GRIP1: variants seen among roughly 807,000 people sequenced by gnomAD.
GRIP1 encodes glutamate receptor interacting protein 1, also known as glutamate receptor-interacting protein 1.
In GRIP1, 45 loss-of-function variants were observed where a neutral mutation model predicts 129.9. The ratio of observed to expected loss-of-function variants is 0.35; its 90% CI spans 0.27 to 0.44. GRIP1 has a LOEUF of 0.44. Among genes scored for constraint, GRIP1 ranks in the 20% least tolerant of loss-of-function variants. GRIP1 has a pLI of 1.00. For missense variants in GRIP1, 1,196 were observed against 1,396.8 expected (o/e 0.86, Z 2.29); for synonymous variants, 530 against 520.8 (o/e 1.02, Z -0.24).
intron 1 of GRIP1, among the ~76,000 whole-genome samples, chr12:66,907,532 G>A (rs12229513): frequency 0.26 from 39,941 of 151,996 alleles, 5,626 homozygotes; most frequent in East Asian, 0.45. Flanking sequence ...CCAGGAGGAA[G>A]CAGAGGCAAG....
At chr12:66,472,483 T>C (rs2059465775) in intron 7 of GRIP1, among the ~76,000 whole-genome samples, 2 of 152,276 alleles carry the variant, frequency 1.3e-5, no homozygotes, top group Non-Finnish European at 1.5e-5. Flanking sequence ...AAATCTTTAA[T>C]ATAGTATGGT....
At chr12:66,929,886 AT>A (rs2041359718) in intron 1 of GRIP1, among the ~76,000 whole-genome samples, 1 of 152,064 alleles carries the variant, frequency 6.6e-6, no homozygotes, top group Admixed American at 6.6e-5. Context: ...CCAGAAGACT[AT>A]TTTATGAGTA....
At chr12:66,547,601 T>C (rs1242036140) in intron 2 of GRIP1, among the ~76,000 whole-genome samples, 1 of 152,148 alleles carries the variant, frequency 6.6e-6, no homozygotes, top group African/African-American at 2.4e-5. Flanking sequence ...ATCAAAAGGG[T>C]CAAACTAGTG....
intron 16 of GRIP1, among the ~76,000 whole-genome samples, chr12:66,399,895 T>C (rs1249975326): frequency 2.0e-5 from 3 of 151,958 alleles, no homozygotes; most frequent in Admixed American, 6.5e-5. Context: ...CCTGAGAAAG[T>C]AAACCATTTG....
intron 1 of GRIP1, among the ~76,000 whole-genome samples, chr12:66,662,436 T>C (rs998658517): frequency 1.3e-5 from 2 of 152,170 alleles, no homozygotes; most frequent in Admixed American, 6.5e-5. Context: ...TAGTATCATA[T>C]TCCCTTGAGG....
chr12:67,022,586 T>C (rs1057354678), intron 1 of GRIP1, among the ~76,000 whole-genome samples: 1 of 152,196 alleles, frequency 6.6e-6, no homozygotes, highest in Non-Finnish European at 1.5e-5. Flanking sequence ...CTTCCTGTCC[T>C]TGCCAACCCT....
At chr12:66,545,302 T>A (rs1237157352) in intron 2 of GRIP1, among the ~76,000 whole-genome samples, 1 of 152,192 alleles carries the variant, frequency 6.6e-6, no homozygotes, top group Non-Finnish European at 1.5e-5. Context: ...TCTTTTTAAT[T>A]ACTGAACTCC....
At position 66,599,745 on chromosome 12, in the gene GRIP1, C is replaced by T. The variant is rs540956950; in HGVS notation, c.56-2818G>A. Reference sequence around the variant, plus strand: ...TCTTCTCTTGCGTCTCTAAATGCAGCTTTATAGATATATCCCTAGAATTTC... The same window carrying T: ...TCTTCTCTTGCGTCTCTAAATGCAGTTTTATAGATATATCCCTAGAATTTC... On this transcript the variant is annotated intron_variant, in intron 1 of 24. Coordinates refer to ENST00000359742, the MANE Select transcript of GRIP1 (RefSeq NM_001366722.1). Among the ~76,000 whole-genome samples the T allele has an allele frequency of 3.9e-5, 6 of 152,208 alleles. No homozygotes were observed. In the South Asian group the frequency reaches 1.2e-3, roughly 32 times the overall value.
intron 23 of GRIP1, among the ~76,000 whole-genome samples, chr12:66,367,244 GATAAGATGC>G (rs148783794): frequency 0.014 from 2,120 of 152,292 alleles, 54 homozygotes; most frequent in African/African-American, 0.048. Context: ...TCATTTGAAA[GATAAGATGC>G]ATAAGATGCA....
intron 1 of GRIP1, among the ~76,000 whole-genome samples, chr12:66,842,415 G>C (rs2039736117): frequency 6.6e-6 from 1 of 152,076 alleles, no homozygotes; most frequent in Admixed American, 6.6e-5. Context: ...ACTGTCTGCT[G>C]GATCCCAGCA....
At chr12:66,755,729 A>G (rs1428526405) in intron 1 of GRIP1, among the ~76,000 whole-genome samples, 1 of 152,202 alleles carries the variant, frequency 6.6e-6, no homozygotes, top group South Asian at 2.1e-4. Context: ...AGTCCACACT[A>G]CAGCTGGAGA....
intron 5 of GRIP1, among the ~76,000 whole-genome samples, chr12:66,527,753 A>C (rs904320985): frequency 3.9e-5 from 6 of 152,148 alleles, no homozygotes; most frequent in Non-Finnish European, 8.8e-5. Flanking sequence ...GGTGCTAAGC[A>C]TTGAGTACAC....
chr12:66,826,602 C>T (rs1315126344), intron 1 of GRIP1, among the ~76,000 whole-genome samples: 1 of 151,868 alleles, frequency 6.6e-6, no homozygotes, highest in Non-Finnish European at 1.5e-5. Flanking sequence ...ACTTCAAGTG[C>T]TGCTGGAATT....
chr12:66,844,621 T>C (rs4913505), intron 1 of GRIP1, among the ~76,000 whole-genome samples: 9,182 of 152,212 alleles, frequency 0.06, 942 homozygotes, highest in African/African-American at 0.21. Context: ...CTGAAAACAA[T>C]TGATTGCAGG....
chr12:67,053,630 A>G (rs2043383122), intron 1 of GRIP1, among the ~76,000 whole-genome samples: 1 of 152,110 alleles, frequency 6.6e-6, no homozygotes, highest in African/African-American at 2.4e-5. Flanking sequence ...ACCTAAGGTC[A>G]GTAGTTCAAG....
intron 1 of GRIP1, among the ~76,000 whole-genome samples, chr12:66,870,346 A>G (rs1216833142): frequency 6.6e-6 from 1 of 151,740 alleles, no homozygotes; most frequent in Non-Finnish European, 1.5e-5. Flanking sequence ...ATTTTATCCC[A>G]AGATGTAAAT....
chr12:66,520,501 A>T lies in GRIP1; in HGVS notation c.503-2525T>A, dbSNP rs920850723. Among the ~76,000 whole-genome samples, 64 of 152,210 alleles carry T rather than the reference A, an allele frequency of 4.2e-4. 2 individuals are homozygous for T. Among genetic ancestry groups the T allele is most frequent in the Non-Finnish European group, 4.4e-5 (3 of 68,038 alleles). ...TGGCTTATTGTAACTTAAGTTTTTT[A>T]AAATCAGTATAATACTATGAAGTCT... is the stretch of plus-strand genomic sequence containing the variant. On this transcript the variant is annotated intron_variant, in intron 5 of 24. Coordinates refer to ENST00000359742, the MANE Select transcript of GRIP1 (RefSeq NM_001366722.1).
chr12:66,407,186 T>C (rs897472436), intron 15 of GRIP1, among the ~76,000 whole-genome samples: 4 of 152,102 alleles, frequency 2.6e-5, no homozygotes, highest in African/African-American at 9.7e-5. Flanking sequence ...TTCCCTTCTT[T>C]TAAGTTACCC....
intron 1 of GRIP1, among the ~76,000 whole-genome samples, chr12:66,701,484 T>A (rs565857226): frequency 2.0e-5 from 3 of 152,330 alleles, no homozygotes; most frequent in Non-Finnish European, 4.4e-5. Context: ...AGGCAACTAC[T>A]GTTATCAGTT....
Sources: allele counts gnomAD v4.1 joint callset (sites outside exome capture counted in the v4.1 genomes callset), GRCh38; gene constraint gnomAD v4.1.1; transcripts MANE v1.5; gene names NCBI Gene and HGNC (gene_info 2026-07-23, HGNC 2026-07-21).